The following FRMD4B variants were observed in gnomAD, a reference collection of about 807,000 sequenced individuals.
The protein encoded by FRMD4B is FERM domain-containing protein 4B.
Under a neutral mutation model 141.5 loss-of-function variants are expected in FRMD4B, and 74 were observed. The observed-to-expected ratio is 0.52, with a 90% CI of 0.43 to 0.63. The LOEUF (loss-of-function observed/expected upper bound fraction) is 0.63. Among genes scored for constraint, FRMD4B ranks in the 30% least tolerant of loss-of-function variants. The pLI, the probability that FRMD4B is intolerant of heterozygous loss-of-function variation, is 0.00. For missense variants in FRMD4B, 1,366 were observed against 1,253.4 expected, an observed-to-expected ratio of 1.09 and a Z score of -1.36; for synonymous variants, 506 against 467.9, an observed-to-expected ratio of 1.08 and a Z score of -1.05.
chr3:69,311,413 C>T, intron 2 of FRMD4B, 56 bp from the exon 3 acceptor site: 1 of 776,674 alleles, frequency 1.3e-6, no homozygotes. Context: ...CTTACTGCTA[C>T]CACCTTCCTC....
At chr3:69,497,772 C>T (rs555068204) in intron 1 of FRMD4B, among the ~76,000 whole-genome samples, 2 of 152,132 alleles carry the variant, frequency 1.3e-5, no homozygotes, top group South Asian at 2.1e-4. Flanking sequence ...TGCAATGGTT[C>T]TTCACAGGTA....
chr3:69,481,965 G>A (rs772531430), intron 1 of FRMD4B, among the ~76,000 whole-genome samples: 23 of 152,190 alleles, frequency 1.5e-4, no homozygotes, highest in Non-Finnish European at 1.8e-4. Flanking sequence ...CACAAATGTG[G>A]ACTAGATCCT....
At chr3:69,491,662 C>G (rs1029632076) in intron 1 of FRMD4B, among the ~76,000 whole-genome samples, 2 of 152,164 alleles carry the variant, frequency 1.3e-5, no homozygotes, top group African/African-American at 2.4e-5. Flanking sequence ...TCCTTTTTAA[C>G]CTAAGCACCA....
In FRMD4B at chr3:69,490,134, AAAGT is replaced by A. The variant is rs200419647; in HGVS notation, c.-129+52068_-129+52071del. ...CTTTTTGGGATGATGAAAATATTCC[AAAGT>A]AAGATTATGGTGCTGGTTGCCCTAA... On this transcript the variant is annotated intron_variant, in intron 1 of 5. Transcript: ENST00000459638. 1.2e-4 allele frequency among the ~76,000 whole-genome samples: 18 copies of A among 152,334 alleles called. No homozygotes were observed. In the East Asian group the frequency reaches 3.5e-3, roughly 29 times the overall value.
At chr3:69,443,368 A>G (rs906935061) in intron 1 of FRMD4B, among the ~76,000 whole-genome samples, 3 of 152,178 alleles carry the variant, frequency 2.0e-5, no homozygotes, top group Non-Finnish European at 4.4e-5. Context: ...TGGACTTTAT[A>G]TATACATCTC....
At position 69,385,971 on chromosome 3, in the gene FRMD4B, A is replaced by G. The variant is rs1183392171; in HGVS notation, c.19T>C (p.Cys7Arg). Residue 7 changes from cysteine to arginine, a missense_variant, in exon 1 of 23, where the codon TGT becomes CGT. By Grantham distance (180) the Cys-to-Arg change is radical. Transcript: ENST00000398540. MASVFMCGVEDLLFSGS... is the reference protein window; with the variant it reads MASVFMRGVEDLLFSGS... ...CTGAACAGCAGGTCCTCCACGCCAC[A>G]CATGAACACCGAAGCCATGCCTCCT... The G allele has an allele frequency of 6.2e-7, 1 of 1,601,118 alleles. No homozygotes were observed. Among genetic ancestry groups the G allele is most frequent in the East Asian group, 2.3e-5 (1 of 44,040 alleles).
At chr3:69,376,142 T>C (rs952232360) in intron 1 of FRMD4B, among the ~76,000 whole-genome samples, 6 of 152,082 alleles carry the variant, frequency 3.9e-5, no homozygotes, top group Admixed American at 6.5e-5. Flanking sequence ...GACATAATTA[T>C]AAAAACATGC....
chr3:69,245,111 C>T (rs1269307293), intron 7 of FRMD4B, among the ~76,000 whole-genome samples: 2 of 152,134 alleles, frequency 1.3e-5, no homozygotes, highest in Non-Finnish European at 2.9e-5. Flanking sequence ...TTAATCCTCA[C>T]AGCAATCCTA....
In FRMD4B at chr3:69,319,464, T is replaced by A. The variant is rs74649162; in HGVS notation, c.163-5947A>T. On this transcript the variant is annotated intron_variant, in intron 1 of 22. Transcript: ENST00000398540. ...TATTACTGACCCATTTTAAAGAAGA[T>A]AAATAACAGGTAAAGTTAACAAGTC... Among the ~76,000 whole-genome samples, 16 of 152,216 alleles carry A rather than the reference T, an allele frequency of 1.1e-4. No homozygotes were observed. The East Asian group carries it at 3.1e-3, about 29-fold the overall frequency.
chr3:69,345,182 AG>A (rs1702891065), intron 1 of FRMD4B, among the ~76,000 whole-genome samples: 1 of 152,226 alleles, frequency 6.6e-6, no homozygotes, highest in African/African-American at 2.4e-5. Flanking sequence ...GCACACCAGG[AG>A]ATTATATCCT....
At chr3:69,180,614 C>CAAA (rs147580742) in intron 21 of FRMD4B, among the ~76,000 whole-genome samples, 1 of 150,526 alleles carries the variant, frequency 6.6e-6, no homozygotes, top group Non-Finnish European at 1.5e-5. Flanking sequence ...AAACAAAAAA[C>CAAA]AAAAAAAAAC....
At chr3:69,196,166 G>A in intron 14 of FRMD4B, 89 bp downstream of exon 14, 1 of 982,338 alleles carries the variant, frequency 1.0e-6, no homozygotes, top group South Asian at 1.7e-5. Flanking sequence ...CAAAATAATG[G>A]ATTAAAAGAT....
intron 5 of FRMD4B, among the ~76,000 whole-genome samples, chr3:69,262,332 G>A (rs990001044): frequency 6.6e-6 from 1 of 151,954 alleles, no homozygotes; most frequent in Non-Finnish European, 1.5e-5. Context: ...ATACACTATG[G>A]CTCAGCAATT....
At chr3:69,330,689 G>T (rs1702341734) in intron 1 of FRMD4B, among the ~76,000 whole-genome samples, 1 of 151,420 alleles carries the variant, frequency 6.6e-6, no homozygotes, top group African/African-American at 2.4e-5. Context: ...TAGAGACAGG[G>T]TCTCACTATG....
chr3:69,522,561 TG>T (rs1700869105), intron 1 of FRMD4B, among the ~76,000 whole-genome samples: 1 of 152,124 alleles, frequency 6.6e-6, no homozygotes, highest in South Asian at 2.1e-4. Flanking sequence ...TGGTGAGTAT[TG>T]GGCCATGTGA....
intron 1 of FRMD4B, among the ~76,000 whole-genome samples, chr3:69,506,001 T>C (rs1489443417): frequency 2.0e-5 from 3 of 152,176 alleles, no homozygotes; most frequent in Non-Finnish European, 4.4e-5. Context: ...GCGTTTAATC[T>C]TTCCAACGCC....
At chr3:69,277,803 T>C (rs1200877154) in intron 5 of FRMD4B, among the ~76,000 whole-genome samples, 1 of 152,054 alleles carries the variant, frequency 6.6e-6, no homozygotes, top group Non-Finnish European at 1.5e-5. Context: ...GTGATGGGAT[T>C]ACAGGCGTGA....
intron 1 of FRMD4B, among the ~76,000 whole-genome samples, chr3:69,344,138 C>T (rs978058189): frequency 3.3e-5 from 5 of 152,178 alleles, no homozygotes; most frequent in African/African-American, 1.2e-4. Context: ...TGCCAAAGAT[C>T]CTGATTTCTT....
chr3:69,439,357 A>AC (rs1553642804), intron 1 of FRMD4B, among the ~76,000 whole-genome samples: 38 of 152,052 alleles, frequency 2.5e-4, no homozygotes, highest in Non-Finnish European at 2.2e-4. Flanking sequence ...TAGTTGTGAG[A>AC]GGTGTTTGGG....
Sources: allele counts gnomAD v4.1 joint callset (sites outside exome capture counted in the v4.1 genomes callset), GRCh38; gene constraint gnomAD v4.1.1; transcripts MANE v1.5; gene names NCBI Gene and HGNC (gene_info 2026-07-23, HGNC 2026-07-21).